UBE2V2: variants seen among roughly 807,000 people sequenced by gnomAD.
UBE2V2 encodes ubiquitin-conjugating enzyme E2 variant 2.
UBE2V2 carries 9 observed loss-of-function variants against 17.2 expected under a neutral mutation model. The observed-to-expected ratio is 0.52, with a 90% CI of 0.32 to 0.91. The LOEUF (loss-of-function observed/expected upper bound fraction) is 0.91, where lower values mean the gene tolerates loss of function less well. Among genes scored for constraint, UBE2V2 ranks in the 40% least tolerant of loss-of-function variants. The probability of loss-of-function intolerance (pLI) is 0.04; values close to 1 mark genes in which losing one functional copy is unlikely to be tolerated. For missense variants in UBE2V2, 133 were observed against 182.6 expected, an observed-to-expected ratio of 0.73 and a Z score of 1.56; for synonymous variants, 61 against 57.5, an observed-to-expected ratio of 1.06 and a Z score of -0.28.
chr8:48,016,010 G>C (rs2091266813), intron 1 of UBE2V2, among the ~76,000 whole-genome samples: 1 of 149,258 alleles, frequency 6.7e-6, no homozygotes, highest in Non-Finnish European at 1.5e-5. Context: ...CAATTCTCCT[G>C]CCTCAGGCTC....
the UBE2V2 span, among the ~76,000 whole-genome samples, chr8:48,000,000 G>A: frequency 1.3e-5 from 2 of 152,210 alleles, no homozygotes; most frequent in South Asian, 2.1e-4. Context: ...TACAATGTTT[G>A]GAATCTATAG....
At chr8:48,037,880 C>T (rs938275575) in intron 1 of UBE2V2, among the ~76,000 whole-genome samples, 7 of 152,184 alleles carry the variant, frequency 4.6e-5, no homozygotes, top group African/African-American at 1.7e-4. Context: ...CTCTTACCTC[C>T]CAATCCATTC....
At position 48,028,611 on chromosome 8, in the gene UBE2V2, T is replaced by TA. The variant is rs1589855577; in HGVS notation, c.17-14421dup. 2.0e-5 allele frequency among the ~76,000 whole-genome samples: 3 copies of TA among 152,160 alleles called. No individual in the cohort carries two copies. The East Asian group carries it at 5.8e-4, about 29-fold the overall frequency. On this transcript the variant is annotated intron_variant, in intron 1 of 3. Transcript: ENST00000523111. ...CCTCGGCCTCCCAAAGTGCTGGAATTACAGGCGTGAGCCACTGTGTCCAGA... is the reference window on the plus strand; with the variant it reads ...CCTCGGCCTCCCAAAGTGCTGGAATTAACAGGCGTGAGCCACTGTGTCCAGA...
At chr8:48,021,606 G>A (rs998286322) in intron 1 of UBE2V2, among the ~76,000 whole-genome samples, 2 of 151,556 alleles carry the variant, frequency 1.3e-5, no homozygotes, top group African/African-American at 2.4e-5. Flanking sequence ...GCGCCCGGCC[G>A]GTCTTGAACT....
At chr8:47,997,845 T>C in the UBE2V2 span, among the ~76,000 whole-genome samples, 1 of 149,390 alleles carries the variant, frequency 6.7e-6, no homozygotes, top group African/African-American at 2.5e-5. Context: ...GGTGGGGGGG[T>C]CATGCTGTTC....
chr8:48,060,646 CT>C, intron 3 of UBE2V2, 35 bp from the exon 4 acceptor site: 1 of 1,388,108 alleles, frequency 7.2e-7, no homozygotes, highest in Non-Finnish European at 9.4e-7. Flanking sequence ...GTACTTTAAA[CT>C]TGCTAGTTAA....
chr8:48,030,790 G>C (rs1002216028), intron 1 of UBE2V2, among the ~76,000 whole-genome samples: 2 of 152,148 alleles, frequency 1.3e-5, no homozygotes, highest in Non-Finnish European at 1.5e-5. Flanking sequence ...GGGAGGCTGA[G>C]GTGGGCGGAT....
At chr8:48,041,009 C>T (rs1483219741) in intron 1 of UBE2V2, among the ~76,000 whole-genome samples, 2 of 150,212 alleles carry the variant, frequency 1.3e-5, no homozygotes, top group East Asian at 2.0e-4. Context: ...GGACTACAGG[C>T]GCCCGCCACC....
Position 48,043,198 on chromosome 8 carries a change from AT to A in UBE2V2, c.165+18del, listed in dbSNP as rs748995342. On this transcript the variant is annotated intron_variant, in intron 2 of 3. Coordinates refer to ENST00000523111, the MANE Select transcript of UBE2V2 (RefSeq NM_003350.3). ...CCACCAAGGGTCAGTGTTATAAATT[AT>A]ATTTTTTCTATTAATACTTATTGTT... is the stretch of plus-strand genomic sequence containing the variant. 3.5e-6 allele frequency: 5 copies of A among 1,441,302 alleles called. No individual in the cohort carries two copies. The highest frequency in any genetic ancestry group is 3.7e-6 in the Non-Finnish European group (4 of 1,088,940). The allele number at this position is 1,441,302 out of a possible 1,614,324, so 89.3% of individuals were successfully genotyped here.
intron 1 of UBE2V2, among the ~76,000 whole-genome samples, chr8:48,009,518 G>A (rs906790454): frequency 6.6e-6 from 1 of 151,950 alleles, no homozygotes; most frequent in Non-Finnish European, 1.5e-5. Context: ...CGCCCACTTC[G>A]GCCTCCCAGA....
At chr8:48,026,703 C>T (rs560625539) in intron 1 of UBE2V2, among the ~76,000 whole-genome samples, 4 of 152,180 alleles carry the variant, frequency 2.6e-5, no homozygotes, top group African/African-American at 4.8e-5. Flanking sequence ...TTTCACTTAG[C>T]GTAATGTTTT....
chr8:48,060,916 T>G lies in UBE2V2; in HGVS notation c.*88T>G. 3 of 1,206,522 alleles carry G rather than the reference T, an allele frequency of 2.5e-6. No individual in the cohort carries two copies. The highest frequency in any genetic ancestry group is 3.2e-6 in the Non-Finnish European group (3 of 924,270). The allele number at this position is 1,206,522 out of a possible 1,614,324, so 74.7% of individuals were successfully genotyped here. A position where few individuals can be genotyped will look rare whatever the true frequency, so the allele number is the denominator to read the frequency against. ...AAATATCACAATGCAAAATACACAT[T>G]AAGTAAAAGAATTCCAGCTGGTAAA... On this transcript the variant is annotated 3_prime_UTR_variant, in exon 4 of 4. Transcript: ENST00000523111.
intron 1 of UBE2V2, among the ~76,000 whole-genome samples, chr8:48,028,020 AT>A (rs2091357244): frequency 6.6e-6 from 1 of 151,030 alleles, no homozygotes; most frequent in Non-Finnish European, 1.5e-5. Flanking sequence ...CGCCTGGCTA[AT>A]TTTTGTATTT....
At chr8:48,021,062 T>C (rs1353307472) in intron 1 of UBE2V2, among the ~76,000 whole-genome samples, 2 of 151,284 alleles carry the variant, frequency 1.3e-5, no homozygotes, top group African/African-American at 4.8e-5. Flanking sequence ...GCTTTTTATG[T>C]TTTATCTATT....
intron 1 of UBE2V2, among the ~76,000 whole-genome samples, chr8:48,033,724 G>A (rs1273855249): frequency 4.6e-5 from 7 of 151,934 alleles, no homozygotes; most frequent in African/African-American, 1.5e-4. Context: ...TTGGGAGGCC[G>A]AGGCAGGCTG....
chr8:48,034,128 C>CTTTTTTTTTT (rs895844431), intron 1 of UBE2V2, among the ~76,000 whole-genome samples: 21,598 of 134,824 alleles, frequency 0.16, 3,922 homozygotes, highest in African/African-American at 0.44. Context: ...TTTTCTTTTC[C>CTTTTTTTTTT]TTTTTTTTTT....
intron 1 of UBE2V2, among the ~76,000 whole-genome samples, chr8:48,012,535 A>G (rs573158064): frequency 7.2e-5 from 11 of 152,100 alleles, no homozygotes; most frequent in African/African-American, 2.2e-4. Context: ...CTGGACCAAC[A>G]TGGAGAAACC....
chr8:48,009,976 C>G (rs927684445), intron 1 of UBE2V2, among the ~76,000 whole-genome samples: 3 of 152,022 alleles, frequency 2.0e-5, no homozygotes, highest in African/African-American at 7.3e-5. Flanking sequence ...CTTAGGACCT[C>G]TTATAGATTT....
chr8:48,020,014 G>A (rs1170893742), intron 1 of UBE2V2, among the ~76,000 whole-genome samples: 2 of 151,244 alleles, frequency 1.3e-5, no homozygotes, highest in Non-Finnish European at 2.9e-5. Flanking sequence ...TATAAGTGAA[G>A]CAATTCTTGG....
Sources: gnomAD v4.1 joint callset for allele counts (sites outside exome capture counted in the v4.1 genomes callset) on GRCh38, gnomAD v4.1.1 for gene constraint, MANE v1.5 for transcripts, NCBI Gene and HGNC (gene_info 2026-07-23, HGNC 2026-07-21) for gene names.